The following LINGO2 variants were observed in gnomAD, a reference collection of about 807,000 sequenced individuals.
LINGO2 encodes the protein leucine-rich repeat and immunoglobulin-like domain-containing nogo receptor-interacting protein 2.
In LINGO2, 14 loss-of-function variants were observed where a neutral mutation model predicts 30.6. The ratio of observed to expected loss-of-function variants is 0.46; its 90% CI spans 0.30 to 0.72. The LOEUF is 0.72. LINGO2 is among the 30% of genes least tolerant of loss of function. The probability of loss-of-function intolerance (pLI) is 0.07; values close to 1 mark genes in which losing one functional copy is unlikely to be tolerated. For missense variants in LINGO2, 729 were observed against 751.7 expected, an observed-to-expected ratio of 0.97 and a Z score of 0.35; for synonymous variants, 317 against 288.5, an observed-to-expected ratio of 1.10 and a Z score of -1.00.
chr9:28,895,479 G>A, the LINGO2 span, among the ~76,000 whole-genome samples: 420 of 152,090 alleles, frequency 2.8e-3, 4 homozygotes, highest in African/African-American at 9.6e-3. Flanking sequence ...CCTCTCACTC[G>A]TATCACCTGT....
At chr9:29,110,891 G>A in the LINGO2 span, among the ~76,000 whole-genome samples, 1 of 151,128 alleles carries the variant, frequency 6.6e-6, no homozygotes, top group African/African-American at 2.4e-5. Flanking sequence ...GAGTTTCACC[G>A]TGTTCGCCCA....
At chr9:28,719,230 T>A in the LINGO2 span, among the ~76,000 whole-genome samples, 1 of 152,078 alleles carries the variant, frequency 6.6e-6, no homozygotes, top group Non-Finnish European at 1.5e-5. Flanking sequence ...CCCGTTTGTG[T>A]CTTTAAGCTC....
chr9:28,411,506 C>T (rs1401240913), intron 2 of LINGO2, among the ~76,000 whole-genome samples: 1 of 152,070 alleles, frequency 6.6e-6, no homozygotes, highest in Non-Finnish European at 1.5e-5. Context: ...AAGAAATCAC[C>T]ATTTCCCCTT....
At chr9:27,976,390 T>G (rs1820595950) in intron 5 of LINGO2, among the ~76,000 whole-genome samples, 1 of 152,106 alleles carries the variant, frequency 6.6e-6, no homozygotes. Context: ...AGTGTGAATG[T>G]TCTTTCTGGG....
the LINGO2 span, among the ~76,000 whole-genome samples, chr9:29,112,557 T>G: frequency 6.6e-6 from 1 of 152,208 alleles, no homozygotes; most frequent in African/African-American, 2.4e-5. Flanking sequence ...ATTCAAAAAG[T>G]TGTGCCACTT....
the LINGO2 span, among the ~76,000 whole-genome samples, chr9:29,013,697 AT>A: frequency 6.6e-6 from 1 of 152,176 alleles, no homozygotes; most frequent in Non-Finnish European, 1.5e-5. Flanking sequence ...CATATTTATT[AT>A]ATCCTTATTG....
intron 4 of LINGO2, among the ~76,000 whole-genome samples, chr9:28,210,980 AATG>A (rs1283951232): frequency 2.6e-5 from 4 of 151,418 alleles, no homozygotes; most frequent in African/African-American, 9.7e-5. Context: ...ATTCATTCGA[AATG>A]ATGAAGATTC....
At chr9:27,988,249 T>C (rs1373090394) in intron 5 of LINGO2, among the ~76,000 whole-genome samples, 3 of 152,214 alleles carry the variant, frequency 2.0e-5, no homozygotes, top group East Asian at 1.9e-4. Context: ...CAGTCTATCG[T>C]TGATGGACAT....
chr9:29,116,733 T>C, the LINGO2 span, among the ~76,000 whole-genome samples: 2 of 151,850 alleles, frequency 1.3e-5, no homozygotes, highest in African/African-American at 2.4e-5. Flanking sequence ...CACTAGAATA[T>C]TGCAGAAAAC....
At chr9:28,031,015 A>C (rs1415392286) in intron 4 of LINGO2, among the ~76,000 whole-genome samples, 1 of 152,164 alleles carries the variant, frequency 6.6e-6, no homozygotes, top group African/African-American at 2.4e-5. Flanking sequence ...GATTTAAATG[A>C]TATGATCAAT....
chr9:28,533,830 G>C (rs1438873184), intron 1 of LINGO2, among the ~76,000 whole-genome samples: 1 of 152,130 alleles, frequency 6.6e-6, no homozygotes. Context: ...GTAAATGGAT[G>C]AAAGTACTTA....
the LINGO2 span, among the ~76,000 whole-genome samples, chr9:28,991,552 A>C: frequency 7.8e-6 from 1 of 128,622 alleles, no homozygotes; most frequent in Non-Finnish European, 1.7e-5. Context: ...CAACTCCAAG[A>C]CACATAATTG....
rs9696825 is a variant in LINGO2, at chr9:28,307,526, G to A, written c.-245-12160C>T. On this transcript the variant is annotated intron_variant, in intron 3 of 5. Transcript: ENST00000379992. ...TCCCTTTGAAAACTGGCACAAGACA[G>A]GGATGCCCTCTCTCACCACTCCTAT... Among the ~76,000 whole-genome samples, 514 of 152,242 alleles carry A rather than the reference G, an allele frequency of 3.4e-3. 3 individuals are homozygous for A. Among genetic ancestry groups the A allele is most frequent in the African/African-American group, 0.012 (497 of 41,532 alleles).
intron 1 of LINGO2, among the ~76,000 whole-genome samples, chr9:28,559,446 T>G (rs555439927): frequency 6.6e-6 from 1 of 152,242 alleles, no homozygotes; most frequent in East Asian, 1.9e-4. Flanking sequence ...TCAAACATAA[T>G]AGGTCATTGC....
intron 2 of LINGO2, among the ~76,000 whole-genome samples, chr9:28,414,065 T>G (rs1266665599): frequency 2.6e-5 from 4 of 152,064 alleles, no homozygotes; most frequent in Non-Finnish European, 5.9e-5. Flanking sequence ...AGCAGCAGCT[T>G]GTTTTTTAAA....
At chr9:28,182,130 A>G (rs1284869002) in intron 4 of LINGO2, among the ~76,000 whole-genome samples, 2 of 152,148 alleles carry the variant, frequency 1.3e-5, no homozygotes, top group Non-Finnish European at 2.9e-5. Context: ...AGACCAATGG[A>G]ACAGAATAGA....
At chr9:27,976,444 C>A (rs144931544) in intron 5 of LINGO2, among the ~76,000 whole-genome samples, 1 of 151,978 alleles carries the variant, frequency 6.6e-6, no homozygotes, top group South Asian at 2.1e-4. Context: ...ACCAAATGGT[C>A]TGGATTAAGC....
chr9:29,175,005 A>T, the LINGO2 span, among the ~76,000 whole-genome samples: 2 of 152,160 alleles, frequency 1.3e-5, no homozygotes, highest in Non-Finnish European at 2.9e-5. Context: ...TCATGCCTGT[A>T]ATCCCAGCAT....
the LINGO2 span, among the ~76,000 whole-genome samples, chr9:29,067,371 A>G: frequency 3.3e-5 from 5 of 151,798 alleles, no homozygotes; most frequent in Non-Finnish European, 7.4e-5. Context: ...GAAAAAAATT[A>G]AAAAGGACAT....
Sources: allele counts gnomAD v4.1 joint callset (sites outside exome capture counted in the v4.1 genomes callset), GRCh38; gene constraint gnomAD v4.1.1; transcripts MANE v1.5; gene names NCBI Gene and HGNC (gene_info 2026-07-23, HGNC 2026-07-21).